SCN11A: variants seen among roughly 807,000 people sequenced by gnomAD.
SCN11A encodes the protein sodium voltage-gated channel alpha subunit 11, also known as sodium channel protein type 11 subunit alpha.
In SCN11A, 122 loss-of-function variants were observed where a neutral mutation model predicts 162.2. The observed-to-expected ratio is 0.75, with a 90% CI of 0.65 to 0.87. The LOEUF is 0.87. Among genes scored for constraint, SCN11A ranks in the 40% least tolerant of loss-of-function variants. The pLI is 0.00. For synonymous variants in SCN11A, 758 were observed against 751.5 expected (o/e 1.01, Z -0.14); for missense variants, 2,015 against 2,181.6 (o/e 0.92, Z 1.52).
chr3:39,013,763 T>C (rs1322462737), intron 2 of SCN11A, among the ~76,000 whole-genome samples: 1 of 152,226 alleles, frequency 6.6e-6, no homozygotes, highest in Non-Finnish European at 1.5e-5. Flanking sequence ...CAAAATCTCA[T>C]CTGTCATGTT....
intron 2 of SCN11A, among the ~76,000 whole-genome samples, chr3:38,993,815 C>A (rs2030527651): frequency 6.6e-6 from 1 of 152,232 alleles, no homozygotes; most frequent in African/African-American, 2.4e-5. Context: ...TGCCTAGTGT[C>A]TCTCTTCTTT....
chr3:39,050,516 A>G (rs1256475553), intron 1 of SCN11A, among the ~76,000 whole-genome samples: 2 of 152,226 alleles, frequency 1.3e-5, no homozygotes, highest in Non-Finnish European at 2.9e-5. Flanking sequence ...TTTACCTATA[A>G]GTTATCACTG....
chr3:38,851,676 G>T (rs1372350595), intron 28 of SCN11A, among the ~76,000 whole-genome samples: 2 of 152,116 alleles, frequency 1.3e-5, no homozygotes, highest in African/African-American at 4.8e-5. Context: ...TGTACATATT[G>T]TTTTATATTA....
chr3:38,960,537 C>A (rs539329183), intron 2 of SCN11A, among the ~76,000 whole-genome samples, 114 bp from the exon 3 acceptor site: 254 of 152,346 alleles, frequency 1.7e-3, no homozygotes, highest in African/African-American at 5.7e-3. Context: ...TACATTTATA[C>A]TTTGGAAGCA....
chr3:39,007,768 G>GT (rs2031017325), intron 2 of SCN11A, among the ~76,000 whole-genome samples: 1 of 152,214 alleles, frequency 6.6e-6, no homozygotes, highest in South Asian at 2.1e-4. Context: ...TAATAAACAA[G>GT]TAAGTGTAGG....
rs866068374 is a variant in SCN11A at position 38,960,361 on chromosome 3, C to G, written c.-217G>C. Among the ~76,000 whole-genome samples, 2 of 152,308 alleles carry G rather than the reference C, an allele frequency of 1.3e-5. No homozygotes were observed. On this transcript the variant is annotated 5_prime_UTR_variant, in exon 3 of 30. Coordinates refer to ENST00000302328, the MANE Select transcript of SCN11A (RefSeq NM_001349253.2). ...GCTCTCCACAGAGCAAGTCTCTCAGCAGAGTTCGAGCTTCTGCTCCTGGCA... is the reference window on the plus strand; with the variant it reads ...GCTCTCCACAGAGCAAGTCTCTCAGGAGAGTTCGAGCTTCTGCTCCTGGCA...
rs149681198 is a variant in SCN11A at position 38,894,855 on chromosome 3, C to T, written c.2513G>A (p.Arg838Gln). 7.8e-5 allele frequency: 126 copies of T among 1,614,090 alleles called. No individual in the cohort carries two copies. The highest frequency in any genetic ancestry group is 3.5e-4 in the African/African-American group (26 of 74,934). The change falls in exon 19 of 30, where the codon CGA becomes CAA. Residue 838 changes from arginine to glutamine, a missense_variant. Physicochemically the swap from Arg to Gln is conservative, Grantham distance 43. Transcript: ENST00000302328. ...CACAAAACAAAAAGCCCGGCGGAATCGATCCAGTGCTAACTGGACTTTAGT... is the reference window on the plus strand; with the variant it reads ...CACAAAACAAAAAGCCCGGCGGAATTGATCCAGTGCTAACTGGACTTTAGT... Reference protein sequence around the residue: ...RKTKVQLALDRFRRAFCFVRH... With the variant: ...RKTKVQLALDQFRRAFCFVRH...
intron 11 of SCN11A, among the ~76,000 whole-genome samples, chr3:38,915,829 A>G (rs1559529322): frequency 1.3e-5 from 2 of 151,976 alleles, no homozygotes; most frequent in Non-Finnish European, 2.9e-5. Context: ...ATTTGGTCCA[A>G]TGTTGACTTC....
intron 2 of SCN11A, among the ~76,000 whole-genome samples, chr3:38,987,945 C>A (rs1271708141): frequency 6.6e-6 from 1 of 152,186 alleles, no homozygotes; most frequent in Non-Finnish European, 1.5e-5. Context: ...AGGATTTGAG[C>A]ACAAAGTCTG....
intron 2 of SCN11A, among the ~76,000 whole-genome samples, chr3:39,022,320 G>T (rs1450629404): frequency 2.6e-5 from 4 of 152,122 alleles, no homozygotes; most frequent in Non-Finnish European, 5.9e-5. Flanking sequence ...TTTGGCCACT[G>T]TGCTACACAT....
intron 4 of SCN11A, among the ~76,000 whole-genome samples, chr3:38,952,908 C>T (rs763887249): frequency 6.6e-6 from 1 of 152,176 alleles, no homozygotes; most frequent in Admixed American, 6.5e-5. Context: ...TAGGGCTTTA[C>T]TCAGCAGAGG....
rs1019194684 is a variant in SCN11A at position 38,923,227 on chromosome 3, T to G, written c.713-1972A>C. Among the ~76,000 whole-genome samples, 3 of 152,226 alleles carry G rather than the reference T, an allele frequency of 2.0e-5. 1 individual carries two copies. Among genetic ancestry groups the G allele is most frequent in the South Asian group, 4.2e-4 (2 of 4,808 alleles). On this transcript the variant is annotated intron_variant, in intron 9 of 29. Coordinates refer to ENST00000302328, the MANE Select transcript of SCN11A (RefSeq NM_001349253.2). ...CTGGTTTCTCCTCTTCTCCCTTTCA[T>G]GTTTCAGTACCCTGGGGCTCAGACC... is the stretch of plus-strand genomic sequence containing the variant.
intron 29 of SCN11A, among the ~76,000 whole-genome samples, chr3:38,848,306 T>G (rs1373075741): frequency 6.6e-6 from 1 of 152,238 alleles, no homozygotes; most frequent in Non-Finnish European, 1.5e-5. Context: ...AATTCACATT[T>G]TGGCCTAAAC....
At chr3:38,951,282 G>T (rs868234972) in intron 4 of SCN11A, among the ~76,000 whole-genome samples, 46 of 152,342 alleles carry the variant, frequency 3.0e-4, no homozygotes, top group Middle Eastern at 6.8e-3. Context: ...GCAGTGAGGG[G>T]CTTGGCACCC....
chr3:39,025,134 A>G (rs926365488), intron 2 of SCN11A, among the ~76,000 whole-genome samples: 1 of 151,694 alleles, frequency 6.6e-6, no homozygotes, highest in African/African-American at 2.4e-5. Flanking sequence ...GCCCCCCTTA[A>G]CCCCTGGGGA....
intron 28 of SCN11A, among the ~76,000 whole-genome samples, chr3:38,853,052 G>A (rs2064808438): frequency 6.6e-6 from 1 of 152,206 alleles, no homozygotes; most frequent in South Asian, 2.1e-4. Context: ...GCTAAGGAAT[G>A]GAGGTGACAG....
Position 39,031,072 on chromosome 3 carries a change from T to C in SCN11A, c.-280+1308A>G, listed in dbSNP as rs529784588. Among the ~76,000 whole-genome samples, 24 of 151,418 alleles carry C rather than the reference T, an allele frequency of 1.6e-4. No individual in the cohort carries two copies. The East Asian group carries it at 3.3e-3, about 21-fold the overall frequency. ...AATGGACTGGTTTATGTGTCTCTAA[T>C]ATTGGGACGTAAAATATATAGACAG... On this transcript the variant is annotated intron_variant, in intron 2 of 29. Coordinates refer to ENST00000302328, the MANE Select transcript of SCN11A (RefSeq NM_001349253.2).
intron 7 of SCN11A, among the ~76,000 whole-genome samples, chr3:38,927,847 C>A (rs1329534545): frequency 6.6e-6 from 1 of 152,144 alleles, no homozygotes; most frequent in Non-Finnish European, 1.5e-5. Flanking sequence ...GGGCCCTCTA[C>A]CACACGTTAG....
intron 1 of SCN11A, among the ~76,000 whole-genome samples, chr3:39,041,052 G>A (rs113281775): frequency 0.14 from 21,550 of 152,118 alleles, 1,770 homozygotes; most frequent in African/African-American, 0.22. Flanking sequence ...ACTGCACTCC[G>A]GCCTGGGCGA....
Sources: allele counts gnomAD v4.1 joint callset (sites outside exome capture counted in the v4.1 genomes callset), GRCh38; gene constraint gnomAD v4.1.1; transcripts MANE v1.5; gene names NCBI Gene and HGNC (gene_info 2026-07-23, HGNC 2026-07-21).